Variants in FER observed in about 807,000 individuals in gnomAD.
The protein encoded by FER is tyrosine-protein kinase Fer.
In FER, 63 loss-of-function variants were observed where a neutral mutation model predicts 111.0. That is an observed-to-expected ratio of 0.57 (90% CI 0.46 to 0.70). FER has a LOEUF of 0.70. Ranked by LOEUF, FER falls within the 30% of genes least tolerant of loss-of-function variation. FER has a pLI of 0.00. For synonymous variants in FER, 327 were observed against 313.9 expected, an observed-to-expected ratio of 1.04 and a Z score of -0.44; for missense variants, 914 against 954.0, an observed-to-expected ratio of 0.96 and a Z score of 0.55.
At chr5:109,016,121 C>A (rs967486409) in intron 13 of FER, among the ~76,000 whole-genome samples, 3 of 152,002 alleles carry the variant, frequency 2.0e-5, no homozygotes, top group African/African-American at 7.2e-5. Context: ...CTAAGTTGTG[C>A]ACTTCTTCAG....
At chr5:108,981,419 C>T (rs772526452) in intron 13 of FER, among the ~76,000 whole-genome samples, 4 of 151,898 alleles carry the variant, frequency 2.6e-5, no homozygotes, top group Non-Finnish European at 5.9e-5. Flanking sequence ...TACATATTCC[C>T]TCCTTATATA....
intron 13 of FER, among the ~76,000 whole-genome samples, chr5:109,032,159 G>C (rs560364305): frequency 1.3e-4 from 20 of 152,288 alleles, no homozygotes; most frequent in South Asian, 6.2e-4. Flanking sequence ...GGCTATGCCA[G>C]AGAGACTGCT....
At chr5:109,174,671 G>A (rs372509611) in intron 17 of FER, among the ~76,000 whole-genome samples, 2 of 152,154 alleles carry the variant, frequency 1.3e-5, no homozygotes, top group Admixed American at 1.3e-4. Context: ...TGTGTATTAT[G>A]TAGGTTGTTT....
chr5:109,089,116 G>C (rs1450607069), intron 16 of FER, among the ~76,000 whole-genome samples: 1 of 152,188 alleles, frequency 6.6e-6, no homozygotes, highest in Non-Finnish European at 1.5e-5. Flanking sequence ...GTTGCAGACA[G>C]TGGGCTGTGT....
At chr5:108,754,406 C>CAAAAAG (rs1750847095) in intron 1 of FER, among the ~76,000 whole-genome samples, 1 of 86,536 alleles carries the variant, frequency 1.2e-5, no homozygotes, top group Non-Finnish European at 2.3e-5. Context: ...GTCCCTGTCT[C>CAAAAAG]AAAAAAAAAA....
At chr5:108,839,200 A>C (rs755193973) in intron 5 of FER, among the ~76,000 whole-genome samples, 1 of 152,212 alleles carries the variant, frequency 6.6e-6, no homozygotes, top group Non-Finnish European at 1.5e-5. Flanking sequence ...TAAAAATGCA[A>C]ATGCCTCTAA....
chr5:108,841,955 A>C, intron 5 of FER: 1 of 174,948 alleles, frequency 5.7e-6, no homozygotes. Flanking sequence ...ATCAACTATT[A>C]AAATTATGAG....
chr5:109,151,351 C>G (rs1582272660), intron 17 of FER, among the ~76,000 whole-genome samples: 1 of 152,168 alleles, frequency 6.6e-6, no homozygotes, highest in East Asian at 1.9e-4. Flanking sequence ...TAAATTTTCA[C>G]TCCAAAGACC....
chr5:108,974,343 G>A (rs1761055976), intron 13 of FER, among the ~76,000 whole-genome samples: 1 of 152,186 alleles, frequency 6.6e-6, no homozygotes, highest in Non-Finnish European at 1.5e-5. Context: ...GAGTTGTGAA[G>A]AATGACTACA....
intron 16 of FER, among the ~76,000 whole-genome samples, chr5:109,079,500 T>G (rs905599132): frequency 6.6e-6 from 1 of 152,144 alleles, no homozygotes; most frequent in African/African-American, 2.4e-5. Context: ...TTAGACCATA[T>G]TTACTGAGTG....
chr5:109,010,085 G>C, intron 13 of FER, among the ~76,000 whole-genome samples: 1 of 152,150 alleles, frequency 6.6e-6, no homozygotes, highest in African/African-American at 2.4e-5. Context: ...ACCTGTACTT[G>C]GGTGGGAAAG....
At chr5:108,751,723 A>G (rs1750531328) in intron 1 of FER, among the ~76,000 whole-genome samples, 1 of 152,148 alleles carries the variant, frequency 6.6e-6, no homozygotes. Flanking sequence ...GACTGACGTA[A>G]TTAGAGAAAT....
rs557793354 is a variant in FER, at chr5:109,053,657, A to G, written c.1924+6459A>G. Among the ~76,000 whole-genome samples the G allele has an allele frequency of 2.4e-4, 37 of 151,400 alleles. No homozygotes were observed. The South Asian group carries it at 7.1e-3, about 29-fold the overall frequency. On this transcript the variant is annotated intron_variant, in intron 16 of 19. Coordinates refer to ENST00000281092, the MANE Select transcript of FER (RefSeq NM_005246.4). ...TTAATCCATATTGTAATGTGTATCA[A>G]TAGGTTATTCTTTTTATTGCTGAGT...
chr5:108,784,861 C>T (rs1397358959), intron 2 of FER: 1 of 155,518 alleles, frequency 6.4e-6, no homozygotes, highest in Admixed American at 6.5e-5. Flanking sequence ...CTGGGTGGGC[C>T]AGGTGTTTCT....
chr5:109,111,824 C>G (rs1479561784), intron 17 of FER, among the ~76,000 whole-genome samples: 1 of 152,116 alleles, frequency 6.6e-6, no homozygotes, highest in Non-Finnish European at 1.5e-5. Flanking sequence ...AATCACCTCC[C>G]ATCAGGTCCT....
intron 9 of FER, chr5:108,891,407 A>G (rs1194827292): frequency 6.6e-6 from 1 of 151,986 alleles, no homozygotes; most frequent in Non-Finnish European, 1.5e-5. Context: ...CATAGAACAA[A>G]ATTTTTTAAT....
intron 10 of FER, among the ~76,000 whole-genome samples, chr5:108,942,650 G>T (rs1467799150): frequency 6.6e-6 from 1 of 152,042 alleles, no homozygotes; most frequent in East Asian, 1.9e-4. Flanking sequence ...ATTGTGCCCA[G>T]CAAATCAGCA....
At chr5:108,834,698 CAAA>C (rs758205074) in intron 4 of FER, among the ~76,000 whole-genome samples, 5 of 51,662 alleles carry the variant, frequency 9.7e-5, no homozygotes, top group Non-Finnish European at 4.1e-5. Flanking sequence ...GATTCTGTCT[CAAA>C]AAAAAAAAAA....
intron 5 of FER, among the ~76,000 whole-genome samples, chr5:108,862,200 T>C (rs1455869509): frequency 2.0e-5 from 3 of 152,194 alleles, no homozygotes; most frequent in Non-Finnish European, 4.4e-5. Flanking sequence ...TAATTGTTAT[T>C]AATGACCATT....
Sources: gnomAD v4.1 joint callset for allele counts (sites outside exome capture counted in the v4.1 genomes callset) on GRCh38, gnomAD v4.1.1 for gene constraint, MANE v1.5 for transcripts, NCBI Gene and HGNC (gene_info 2026-07-23, HGNC 2026-07-21) for gene names.